The following ITPR1 variants were observed in gnomAD, a reference collection of about 807,000 sequenced individuals.
The protein encoded by ITPR1 is inositol 1,4,5-trisphosphate-gated calcium channel ITPR1.
ITPR1 carries 96 observed loss-of-function variants against 318.4 expected under a neutral mutation model. The ratio of observed to expected loss-of-function variants is 0.30; its 90% CI spans 0.26 to 0.36. The LOEUF (loss-of-function observed/expected upper bound fraction) is 0.36. Among genes scored for constraint, ITPR1 ranks in the 10% least tolerant of loss-of-function variants. The pLI is 1.00. For missense variants in ITPR1, 2,440 were observed against 3,460.2 expected (o/e 0.71, Z 7.40); for synonymous variants, 1,312 against 1,289.9 (o/e 1.02, Z -0.37).
chr3:4,667,291 G>A, intron 17 of ITPR1, 86 bp from the exon 18 acceptor site: 1 of 1,064,384 alleles, frequency 9.4e-7, no homozygotes, highest in Non-Finnish European at 1.4e-6. Flanking sequence ...GTTCTCATCA[G>A]GAAACATTGC....
intron 53 of ITPR1, 105 bp from the exon 54 acceptor site, chr3:4,800,320 G>A (rs1378864492): frequency 3.3e-6 from 4 of 1,224,836 alleles, no homozygotes; most frequent in Admixed American, 2.4e-5. Context: ...GGACTGGTAA[G>A]CCAAAAAAGT....
chr3:4,682,783 C>T (rs189044782), intron 26 of ITPR1, among the ~76,000 whole-genome samples: 3 of 152,296 alleles, frequency 2.0e-5, no homozygotes, highest in Admixed American at 1.3e-4. Flanking sequence ...AGGAAGTTTC[C>T]ACCATTTGTC....
chr3:4,751,953 C>T (rs944268203), intron 44 of ITPR1, among the ~76,000 whole-genome samples: 1 of 152,146 alleles, frequency 6.6e-6, no homozygotes, highest in African/African-American at 2.4e-5. Flanking sequence ...AATCTATGCC[C>T]GCTCACATTT....
intron 40 of ITPR1, among the ~76,000 whole-genome samples, chr3:4,721,095 AG>A (rs1371246374): frequency 6.7e-5 from 10 of 149,708 alleles, no homozygotes; most frequent in African/African-American, 2.2e-4. Context: ...CCTATTGCAA[AG>A]TCAGTGGAGG....
chr3:4,558,522 G>T (rs910257350), intron 4 of ITPR1, among the ~76,000 whole-genome samples: 6 of 152,142 alleles, frequency 3.9e-5, no homozygotes, highest in African/African-American at 1.4e-4. Flanking sequence ...AGTGAAGAGG[G>T]CTCTAATGAT....
chr3:4,815,283 CTGCGAGGG>C lies in ITPR1; in HGVS notation c.7867+68_7867+75del, dbSNP rs1233171512. 5 of 1,528,714 alleles carry C rather than the reference CTGCGAGGG, an allele frequency of 3.3e-6. No homozygotes were observed. The African/African-American group carries it at 6.8e-5, about 21-fold the overall frequency. The allele number at this position is 1,528,714 out of a possible 1,614,324, so 94.7% of individuals were successfully genotyped here. On this transcript the variant is annotated intron_variant, in intron 59 of 61. Transcript: ENST00000649015. ...CCAGCGTGGCAGAGGCATGTGGATA[CTGCGAGGG>C]TGTGATGGGCGGGGTGCCTGCCCAG...
chr3:4,798,845 G>C (rs901793746), intron 53 of ITPR1, among the ~76,000 whole-genome samples: 1 of 152,176 alleles, frequency 6.6e-6, no homozygotes, highest in Non-Finnish European at 1.5e-5. Flanking sequence ...CTACCTGATA[G>C]GATTATTTTC....
At chr3:4,654,615 C>T (rs1256532049) in intron 12 of ITPR1, among the ~76,000 whole-genome samples, 2 of 152,226 alleles carry the variant, frequency 1.3e-5, no homozygotes, top group Non-Finnish European at 2.9e-5. Flanking sequence ...AACAGTTGCT[C>T]CTGTGTCTGA....
At chr3:4,811,884 T>G (rs547997829) in intron 56 of ITPR1, among the ~76,000 whole-genome samples, 1 of 152,248 alleles carries the variant, frequency 6.6e-6, no homozygotes, top group Non-Finnish European at 1.5e-5. Context: ...TTGGAAGCAG[T>G]GTAAATGTTC....
intron 44 of ITPR1, among the ~76,000 whole-genome samples, chr3:4,766,115 G>A: frequency 6.6e-6 from 1 of 152,162 alleles, no homozygotes; most frequent in South Asian, 2.1e-4. Flanking sequence ...TTTTTCATAG[G>A]GCTCTGCCCA....
intron 32 of ITPR1, 136 bp from the exon 33 acceptor site, chr3:4,693,354 T>A: frequency 1.1e-6 from 1 of 932,840 alleles, no homozygotes; most frequent in Non-Finnish European, 1.6e-6. Context: ...TATAAATGAA[T>A]GAAGTCAAAA....
At chr3:4,517,649 C>T (rs543767410) in intron 3 of ITPR1, among the ~76,000 whole-genome samples, 1 of 152,320 alleles carries the variant, frequency 6.6e-6, no homozygotes, top group Admixed American at 6.5e-5. Flanking sequence ...AAAAAGAAGT[C>T]ATCCATGGCT....
chr3:4,751,322 T>A (rs17041333), intron 44 of ITPR1: 1 of 151,916 alleles, frequency 6.6e-6, no homozygotes, highest in African/African-American at 2.4e-5. Flanking sequence ...CATCAGATTC[T>A]CAGCAGGGAC....
chr3:4,720,381 C>A (rs1316602100), intron 40 of ITPR1, among the ~76,000 whole-genome samples: 1 of 152,196 alleles, frequency 6.6e-6, no homozygotes, highest in East Asian at 1.9e-4. Context: ...TGAGTGGCCC[C>A]AACAGGTAAT....
At chr3:4,632,780 A>G (rs772209548) in intron 5 of ITPR1, among the ~76,000 whole-genome samples, 1 of 152,134 alleles carries the variant, frequency 6.6e-6, no homozygotes, top group African/African-American at 2.4e-5. Flanking sequence ...AAAAAGTTCA[A>G]TCATAAGGTG....
chr3:4,830,802 C>G, intron 60 of ITPR1: 1 of 383,074 alleles, frequency 2.6e-6, no homozygotes, highest in Non-Finnish European at 5.2e-6. Context: ...GCAACAAGAC[C>G]ATTTTTCTAG....
chr3:4,791,369 C>G (rs1466451786), intron 52 of ITPR1, among the ~76,000 whole-genome samples: 3 of 152,182 alleles, frequency 2.0e-5, no homozygotes, highest in Non-Finnish European at 2.9e-5. Flanking sequence ...GGGGATGAAA[C>G]TGTCCCACCT....
At chr3:4,596,298 A>G (rs1164464175) in intron 4 of ITPR1, 1 of 152,178 alleles carries the variant, frequency 6.6e-6, no homozygotes, top group East Asian at 1.9e-4. Flanking sequence ...TTACCATAAG[A>G]TAAACTCTTT....
rs141221358 is a variant in ITPR1 at position 4,778,135 on chromosome 3, T to C, written c.6291+761T>C. On this transcript the variant is annotated intron_variant, in intron 48 of 61. Transcript: ENST00000649015. Reference sequence around the variant, plus strand: ...AGAAATTGATATACCATTCCTGATGTTGACTTCTAAAGTATACCCAGAAAA... The same window carrying C: ...AGAAATTGATATACCATTCCTGATGCTGACTTCTAAAGTATACCCAGAAAA... Among the ~76,000 whole-genome samples the C allele has an allele frequency of 3.5e-4, 54 of 152,368 alleles. No homozygotes were observed. In the East Asian group the frequency reaches 0.01, roughly 29 times the overall value.
Sources: allele counts gnomAD v4.1 joint callset (sites outside exome capture counted in the v4.1 genomes callset), GRCh38; gene constraint gnomAD v4.1.1; transcripts MANE v1.5; gene names NCBI Gene and HGNC (gene_info 2026-07-23, HGNC 2026-07-21).